Variants in ARFGEF3 observed in about 807,000 individuals in gnomAD.
ARFGEF3 encodes the protein ARFGEF family member 3, also known as brefeldin A-inhibited guanine nucleotide-exchange protein 3.
Under a neutral mutation model 221.7 loss-of-function variants are expected in ARFGEF3, and 96 were observed. The ratio of observed to expected loss-of-function variants is 0.43; its 90% CI spans 0.37 to 0.51. The LOEUF is 0.51. ARFGEF3 is among the 20% of genes least tolerant of loss of function. ARFGEF3 has a pLI of 0.00. For missense variants in ARFGEF3, 2,410 were observed against 2,789.9 expected (o/e 0.86, Z 3.07); for synonymous variants, 1,145 against 1,126.8 (o/e 1.02, Z -0.32).
rs534606743 is a variant in ARFGEF3 at position 138,320,953 on chromosome 6, G to T, written c.4652-158G>T. Among the ~76,000 whole-genome samples the T allele has an allele frequency of 2.8e-3, 427 of 152,142 alleles. 2 individuals are homozygous for T. Among genetic ancestry groups the T allele is most frequent in the African/African-American group, 9.7e-3 (402 of 41,516 alleles). The stretch of plus-strand genomic sequence containing the variant: ...GTTTTACTGGGTTTTGGCGGGGGGG[G>T]GCAGGAGGAGGATATGGCCATTTTT... On this transcript the variant is annotated intron_variant, in intron 28 of 33. Coordinates refer to ENST00000251691, the MANE Select transcript of ARFGEF3 (RefSeq NM_020340.5).
rs1203465393 is a variant in ARFGEF3 at position 138,343,684 on chromosome 6, A to C, written c.*7198A>C. 6.6e-6 allele frequency: 1 copy of C among 152,158 alleles called. No individual in the cohort carries two copies. The highest frequency in any genetic ancestry group is 2.4e-5 in the African/African-American group (1 of 41,436). 9.4% of individuals were successfully genotyped at this position (152,158 alleles called of 1,614,324 possible). A position where few individuals can be genotyped will look rare whatever the true frequency, so the allele number is the denominator to read the frequency against. ...ATTATGTTTTTTCTTAAAGTTAGGGAGGCTCGGGCCCTGACACTGCCAGCC... is the reference window on the plus strand; with the variant it reads ...ATTATGTTTTTTCTTAAAGTTAGGGCGGCTCGGGCCCTGACACTGCCAGCC... On this transcript the variant is annotated 3_prime_UTR_variant, in exon 34 of 34. Coordinates refer to ENST00000251691, the MANE Select transcript of ARFGEF3 (RefSeq NM_020340.5).
At chr6:138,299,198 TAAAA>T (rs60475752) in intron 22 of ARFGEF3, among the ~76,000 whole-genome samples, 1 of 39,424 alleles carries the variant, frequency 2.5e-5, no homozygotes, top group Non-Finnish European at 5.7e-5. Context: ...CGAGACTCTG[TAAAA>T]AAAAAAAAAA....
At chr6:138,256,633 T>G (rs2114579792) in intron 10 of ARFGEF3, among the ~76,000 whole-genome samples, 1 of 152,274 alleles carries the variant, frequency 6.6e-6, no homozygotes, top group Non-Finnish European at 1.5e-5. Context: ...TTCTAGAAAT[T>G]AAGGAGTAGC....
intron 5 of ARFGEF3, among the ~76,000 whole-genome samples, chr6:138,231,258 G>A (rs1029351637): frequency 3.3e-5 from 5 of 152,134 alleles, no homozygotes; most frequent in African/African-American, 4.8e-5. Context: ...CAGCAGGCCC[G>A]TCCAGATAGG....
intron 2 of ARFGEF3, among the ~76,000 whole-genome samples, chr6:138,189,661 C>T (rs912275727): frequency 6.6e-6 from 1 of 152,144 alleles, no homozygotes; most frequent in Non-Finnish European, 1.5e-5. Context: ...CAAATTGATG[C>T]GCCATGGCAG....
At chr6:138,331,266 T>C (rs964457194) in intron 32 of ARFGEF3, among the ~76,000 whole-genome samples, 3 of 152,228 alleles carry the variant, frequency 2.0e-5, no homozygotes, top group South Asian at 2.1e-4. Context: ...AAAATAAGCA[T>C]ATTAAATTCT....
rs1199825079 is a variant in ARFGEF3, at chr6:138,337,225, A to G, written c.*739A>G. On this transcript the variant is annotated 3_prime_UTR_variant, in exon 34 of 34. Coordinates refer to ENST00000251691, the MANE Select transcript of ARFGEF3 (RefSeq NM_020340.5). ...GCCTGTGACACAGAGTACCCAGTGAAAGTGGCTGGTACGTAGATTGTCAAG... is the reference window on the plus strand; with the variant it reads ...GCCTGTGACACAGAGTACCCAGTGAGAGTGGCTGGTACGTAGATTGTCAAG... The G allele has an allele frequency of 6.5e-6, 1 of 152,680 alleles. No homozygotes were observed. The highest frequency in any genetic ancestry group is 2.4e-5 in the African/African-American group (1 of 41,466). 9.5% of individuals were successfully genotyped at this position (152,680 alleles called of 1,614,324 possible).
At chr6:138,254,739 C>G (rs766492494) in intron 9 of ARFGEF3, among the ~76,000 whole-genome samples, 1 of 152,112 alleles carries the variant, frequency 6.6e-6, no homozygotes, top group Admixed American at 6.5e-5. Flanking sequence ...AATAATAAAG[C>G]AGATAAATTG....
chr6:138,171,577 G>C (rs1776832330), intron 2 of ARFGEF3, among the ~76,000 whole-genome samples: 1 of 151,800 alleles, frequency 6.6e-6, no homozygotes, highest in Admixed American at 6.6e-5. Flanking sequence ...CTCACTGGGA[G>C]AGAAATGCCT....
At position 138,208,067 on chromosome 6, in the gene ARFGEF3, T is replaced by C. The variant is rs531521894; in HGVS notation, c.219+944T>C. 4.2e-4 allele frequency among the ~76,000 whole-genome samples: 64 copies of C among 152,368 alleles called. 1 individual carries two copies. In the South Asian group the frequency reaches 0.012, roughly 30 times the overall value. ...GTAATTGGGCCAACCATAAAAATGGTTGAGAATTTGTTTTGATCTGTCACT... is the reference window on the plus strand; with the variant it reads ...GTAATTGGGCCAACCATAAAAATGGCTGAGAATTTGTTTTGATCTGTCACT... On this transcript the variant is annotated intron_variant, in intron 3 of 33. Coordinates refer to ENST00000251691, the MANE Select transcript of ARFGEF3 (RefSeq NM_020340.5).
intron 6 of ARFGEF3, among the ~76,000 whole-genome samples, chr6:138,241,270 G>A (rs1184530532): frequency 6.6e-6 from 1 of 152,148 alleles, no homozygotes; most frequent in African/African-American, 2.4e-5. Flanking sequence ...ATCTTCCCAG[G>A]TGCAGAATAA....
rs745564820 is a variant in ARFGEF3 at position 138,289,987 on chromosome 6, C to G, written c.3047+19C>G. ...TGTTCAGGTGCATGACGGGCTCCCA[C>G]CCCCAGATGGCACTAACCCTGCCTT... On this transcript the variant is annotated intron_variant, in intron 18 of 33. Coordinates refer to ENST00000251691, the MANE Select transcript of ARFGEF3 (RefSeq NM_020340.5). The G allele has an allele frequency of 6.3e-7, 1 of 1,598,534 alleles. No individual in the cohort carries two copies. The highest frequency in any genetic ancestry group is 1.7e-5 in the Admixed American group (1 of 58,144).
At chr6:138,327,342 G>A (rs924480385) in intron 31 of ARFGEF3, among the ~76,000 whole-genome samples, 5 of 151,764 alleles carry the variant, frequency 3.3e-5, no homozygotes, top group Admixed American at 2.6e-4. Context: ...TCAGCTACTC[G>A]AGGGTTTAAG....
At chr6:138,299,090 C>T (rs1385739335) in intron 22 of ARFGEF3, among the ~76,000 whole-genome samples, 6 of 148,904 alleles carry the variant, frequency 4.0e-5, no homozygotes, top group Non-Finnish European at 8.9e-5. Context: ...CCCAGCTACT[C>T]AGGAGGCTAA....
At chr6:138,324,288 T>G in intron 31 of ARFGEF3, 134 bp downstream of exon 31, 8 of 984,070 alleles carry the variant, frequency 8.1e-6, no homozygotes, top group Non-Finnish European at 1.2e-5. Flanking sequence ...CTCCCAACTC[T>G]TGCCACTACC....
At position 138,278,489 on chromosome 6, in the gene ARFGEF3, C is replaced by T; in HGVS notation, c.2167C>T (p.Leu723Phe). Residue 723 changes from leucine (L) to phenylalanine (F), a missense_variant, in exon 13 of 34, where the codon CTC (leucine) becomes TTC (phenylalanine). Leu to Phe is a conservative substitution (Grantham distance 22, BLOSUM62 0). Coordinates refer to ENST00000251691, the MANE Select transcript of ARFGEF3 (RefSeq NM_020340.5). ...TCCTGGCTTTGACGGGAATAGCAGC[C>T]TCAGCTTCCAGATGCTGATGAACGC... is the stretch of plus-strand genomic sequence containing the variant. ...HSPGFDGNSS[L>F]SFQMLMNADS... The T allele has an allele frequency of 6.2e-7, 1 of 1,613,986 alleles. No homozygotes were observed.
At chr6:138,260,095 G>T (rs755579124) in intron 10 of ARFGEF3, among the ~76,000 whole-genome samples, 25 of 152,154 alleles carry the variant, frequency 1.6e-4, no homozygotes, top group Non-Finnish European at 2.8e-4. Context: ...CCAGCCACGG[G>T]GCTGCAGGCC....
chr6:138,194,516 G>A (rs1027957915), intron 2 of ARFGEF3, among the ~76,000 whole-genome samples: 7 of 152,108 alleles, frequency 4.6e-5, no homozygotes, highest in African/African-American at 1.4e-4. Flanking sequence ...TCCAGGGCAG[G>A]GCAGAGCAAT....
intron 2 of ARFGEF3, among the ~76,000 whole-genome samples, chr6:138,175,551 A>C (rs1049428976): frequency 1.3e-5 from 2 of 152,192 alleles, no homozygotes; most frequent in African/African-American, 4.8e-5. Flanking sequence ...TTCATAAGCA[A>C]AAGCCCACTC....
Sources: allele counts gnomAD v4.1 joint callset (sites outside exome capture counted in the v4.1 genomes callset), GRCh38; gene constraint gnomAD v4.1.1; transcripts MANE v1.5; gene names NCBI Gene and HGNC (gene_info 2026-07-23, HGNC 2026-07-21).